Variants in NBAS observed in about 807,000 individuals in gnomAD.
The protein encoded by NBAS is NAG/BC035112 fusion.
Under a neutral mutation model 302.5 loss-of-function variants are expected in NBAS, and 219 were observed. The ratio of observed to expected loss-of-function variants is 0.72; its 90% CI spans 0.65 to 0.81. The LOEUF is 0.81. NBAS is among the 30% of genes least tolerant of loss of function. NBAS has a pLI of 0.00. For synonymous variants in NBAS, 1,118 were observed against 1,021.6 expected (o/e 1.09, Z -1.80); for missense variants, 2,932 against 2,841.6 (o/e 1.03, Z -0.72).
In NBAS at chr2:15,492,907, TTTG is replaced by T. The variant is rs1572925593; in HGVS notation, c.955-3888_955-3886del. ...AATTCTATGAACAGAGTCTGTGGTA[TTTG>T]GGAGTCTGAGTGTCTGTTGGTGAGT... On this transcript the variant is annotated intron_variant, in intron 11 of 51. Transcript: ENST00000281513. 2.6e-5 allele frequency among the ~76,000 whole-genome samples: 4 copies of T among 152,154 alleles called. No individual in the cohort carries two copies. The South Asian group carries it at 8.3e-4, about 32-fold the overall frequency.
At chr2:15,170,709 A>G (rs1393127217) in intron 51 of NBAS, among the ~76,000 whole-genome samples, 1 of 152,212 alleles carries the variant, frequency 6.6e-6, no homozygotes, top group Non-Finnish European at 1.5e-5. Context: ...AAAATACTGC[A>G]TAGATAATTT....
chr2:14,849,794 G>T, the NBAS span, among the ~76,000 whole-genome samples: 1 of 141,984 alleles, frequency 7.0e-6, no homozygotes, highest in African/African-American at 3.0e-5. Flanking sequence ...TTAAAGAAAA[G>T]AATTTTCAAC....
intron 35 of NBAS, among the ~76,000 whole-genome samples, chr2:15,347,154 A>G (rs538624390): frequency 1.3e-5 from 2 of 152,294 alleles, no homozygotes; most frequent in African/African-American, 4.8e-5. Flanking sequence ...GTCAGTTAAT[A>G]ACACACATTA....
chr2:15,407,891 T>G (rs115941681), intron 25 of NBAS, among the ~76,000 whole-genome samples: 16 of 152,324 alleles, frequency 1.1e-4, no homozygotes, highest in African/African-American at 3.6e-4. Context: ...TTCCTTCTGA[T>G]GTTCTAGGAG....
the NBAS span, among the ~76,000 whole-genome samples, chr2:15,021,245 A>T: frequency 1.3e-5 from 2 of 151,938 alleles, no homozygotes; most frequent in Non-Finnish European, 2.9e-5. Context: ...TGTCTAAAAA[A>T]AAAATTGTTG....
the NBAS span, among the ~76,000 whole-genome samples, chr2:14,845,025 G>T: frequency 6.6e-6 from 1 of 152,200 alleles, no homozygotes; most frequent in Admixed American, 6.5e-5. Context: ...TTTGCTGTCT[G>T]CTGATTGTAA....
intron 21 of NBAS, among the ~76,000 whole-genome samples, chr2:15,441,783 A>ATG: frequency 6.6e-6 from 1 of 152,186 alleles, no homozygotes; most frequent in Non-Finnish European, 1.5e-5. Context: ...AGAGACAAAC[A>ATG]TAGGCTCAAA....
Position 15,179,093 on chromosome 2 carries a change from C to T in NBAS, c.6735G>A (p.Leu2245=). 1 of 1,614,174 alleles carries T rather than the reference C, an allele frequency of 6.2e-7. No homozygotes were observed. The highest frequency in any genetic ancestry group is 1.7e-5 in the Admixed American group (1 of 60,020). ...GAAGCAGGAGGGACTGGTTAAGCAGCAGCAGACACAGCTCCTTCACACCCT... is the reference window on the plus strand; with the variant it reads ...GAAGCAGGAGGGACTGGTTAAGCAGTAGCAGACACAGCTCCTTCACACCCT... ...PAEGVKELCL[L]LLNQSLLLPS... is the part of the protein sequence containing the mutation. Residue 2245 remains leucine, a synonymous_variant, in exon 51 of 52, where the codon CTG becomes CTA. Transcript: ENST00000281513.
the NBAS span, among the ~76,000 whole-genome samples, chr2:14,848,231 A>C: frequency 0.25 from 37,768 of 148,358 alleles, 9,319 homozygotes; most frequent in African/African-American, 0.65. Flanking sequence ...GCACCATGCG[A>C]GAGCCGAAGC....
Position 15,461,217 on chromosome 2 carries a change from A to C in NBAS, c.2323T>G (p.Leu775Val). 1.9e-6 allele frequency: 3 copies of C among 1,613,890 alleles called. No individual in the cohort carries two copies. The South Asian group carries it at 3.3e-5, about 18-fold the overall frequency. Residue 775 changes from leucine to valine, a missense_variant, in exon 21 of 52, where the codon TTG becomes GTG. By Grantham distance (32) the Leu-to-Val change is conservative. Coordinates refer to ENST00000281513, the MANE Select transcript of NBAS (RefSeq NM_015909.4). ...ETTSPHEYSV[L>V]LPEACFNGDS... The stretch of plus-strand genomic sequence containing the variant: ...GTCACATACCAAGCTTCGGGCAGCA[A>C]AACAGAATATTCATGTGGAGAAGTG...
rs1666409013 is a variant in NBAS at position 15,211,506 on chromosome 2, A to T, written c.6432+7267T>A. ...GTAAATCTCAAATTTCCAAATGAAAAGTTATCCCCAGTTATTCTATCTCCT... is the reference window on the plus strand; with the variant it reads ...GTAAATCTCAAATTTCCAAATGAAATGTTATCCCCAGTTATTCTATCTCCT... On this transcript the variant is annotated intron_variant, in intron 48 of 51. Transcript: ENST00000281513. Among the ~76,000 whole-genome samples, 2 of 152,238 alleles carry T rather than the reference A, an allele frequency of 1.3e-5. 1 individual carries two copies. Among genetic ancestry groups the T allele is most frequent in the South Asian group, 4.1e-4 (2 of 4,830 alleles).
chr2:15,169,448 AAG>A (rs765397292), intron 51 of NBAS, among the ~76,000 whole-genome samples: 8 of 152,100 alleles, frequency 5.3e-5, no homozygotes, highest in Non-Finnish European at 7.4e-5. Context: ...CCTAGCAAAC[AAG>A]AGTCTCAACC....
intron 12 of NBAS, among the ~76,000 whole-genome samples, chr2:15,481,772 C>T (rs1160638854): frequency 6.6e-6 from 1 of 152,246 alleles, no homozygotes; most frequent in African/African-American, 2.4e-5. Context: ...CACTGACCTT[C>T]TCCTGCCTTC....
intron 35 of NBAS, among the ~76,000 whole-genome samples, chr2:15,341,907 C>G (rs1182597670): frequency 6.6e-6 from 1 of 152,136 alleles, no homozygotes; most frequent in Non-Finnish European, 1.5e-5. Context: ...TGTGTTGGCA[C>G]TGTGTTACCA....
chr2:15,264,880 G>A (rs377470866), intron 44 of NBAS, among the ~76,000 whole-genome samples: 5 of 152,160 alleles, frequency 3.3e-5, no homozygotes, highest in African/African-American at 9.7e-5. Flanking sequence ...TCCACAATTC[G>A]AGTGCAGCCT....
chr2:15,484,749 A>G (rs1680555721), intron 12 of NBAS, among the ~76,000 whole-genome samples: 1 of 152,190 alleles, frequency 6.6e-6, no homozygotes, highest in Non-Finnish European at 1.5e-5. Context: ...TTCCCTTGGA[A>G]GCCTGTGAAT....
intron 44 of NBAS, among the ~76,000 whole-genome samples, chr2:15,255,413 T>C (rs1668548883): frequency 6.6e-6 from 1 of 152,192 alleles, no homozygotes; most frequent in South Asian, 2.1e-4. Flanking sequence ...ATGGGATTGT[T>C]TGCTTGCTTC....
chr2:15,062,073 T>G, the NBAS span, among the ~76,000 whole-genome samples: 4 of 152,166 alleles, frequency 2.6e-5, no homozygotes, highest in Non-Finnish European at 5.9e-5. Context: ...TGGAATTCAG[T>G]TGGGCCATCC....
intron 9 of NBAS, among the ~76,000 whole-genome samples, chr2:15,527,909 T>C (rs1663001050): frequency 6.6e-6 from 1 of 152,112 alleles, no homozygotes. Flanking sequence ...TATCTCCCTA[T>C]GGAATCAACA....
Sources: allele counts gnomAD v4.1 joint callset (sites outside exome capture counted in the v4.1 genomes callset), GRCh38; gene constraint gnomAD v4.1.1; transcripts MANE v1.5; gene names NCBI Gene and HGNC (gene_info 2026-07-23, HGNC 2026-07-21).